The following SETD5 variants were observed in gnomAD, a reference collection of about 807,000 sequenced individuals.
The protein encoded by SETD5 is SET domain containing 5, also known as histone-lysine N-methyltransferase SETD5.
Under a neutral mutation model 153.3 loss-of-function variants are expected in SETD5, and 44 were observed. That is an observed-to-expected ratio of 0.29 (90% CI 0.23 to 0.37). SETD5 has a LOEUF of 0.37. Ranked by LOEUF, SETD5 falls within the 10% of genes least tolerant of loss-of-function variation. The pLI, the probability that SETD5 is intolerant of heterozygous loss-of-function variation, is 1.00. For missense variants in SETD5, 1,544 were observed against 1,768.0 expected, an observed-to-expected ratio of 0.87 and a Z score of 2.27; for synonymous variants, 716 against 645.2, an observed-to-expected ratio of 1.11 and a Z score of -1.66.
At chr3:9,408,489 T>C (rs1445293657) in intron 1 of SETD5, among the ~76,000 whole-genome samples, 2 of 152,252 alleles carry the variant, frequency 1.3e-5, no homozygotes, top group Non-Finnish European at 2.9e-5. Flanking sequence ...ATTGGTAAGT[T>C]TGAGTCTTTA....
At chr3:9,402,148 G>A (rs1232065246) in intron 1 of SETD5, among the ~76,000 whole-genome samples, 1 of 152,128 alleles carries the variant, frequency 6.6e-6, no homozygotes, top group Non-Finnish European at 1.5e-5. Flanking sequence ...TAAGTCTTAG[G>A]AAAACTGTTT....
chr3:9,472,929 A>G (rs1168171104), intron 19 of SETD5, among the ~76,000 whole-genome samples: 3 of 152,136 alleles, frequency 2.0e-5, no homozygotes, highest in African/African-American at 7.2e-5. Flanking sequence ...TGTAATGGTA[A>G]CCTCACAAGT....
intron 1 of SETD5, among the ~76,000 whole-genome samples, chr3:9,412,387 GT>G (rs370566998): frequency 0.1 from 9,338 of 89,710 alleles, 1,222 homozygotes; most frequent in African/African-American, 0.34. Flanking sequence ...ACAGTTTTGG[GT>G]TTTTTTTTTT....
At chr3:9,460,289 G>A (rs2043801061) in intron 17 of SETD5, among the ~76,000 whole-genome samples, 1 of 151,804 alleles carries the variant, frequency 6.6e-6, no homozygotes, top group South Asian at 2.1e-4. Context: ...AAGAACTCTG[G>A]AGAGTAAACT....
chr3:9,436,091 A>G (rs1041622953), intron 7 of SETD5, among the ~76,000 whole-genome samples, 185 bp downstream of exon 7: 2 of 152,130 alleles, frequency 1.3e-5, no homozygotes, highest in African/African-American at 2.4e-5. Context: ...CTGCCACACC[A>G]TATCATCACC....
chr3:9,412,624 T>G (rs2036779951), intron 1 of SETD5, among the ~76,000 whole-genome samples: 1 of 151,846 alleles, frequency 6.6e-6, no homozygotes, highest in Non-Finnish European at 1.5e-5. Context: ...CCCAGGCTGG[T>G]CTTGATTGAA....
intron 7 of SETD5, among the ~76,000 whole-genome samples, chr3:9,439,910 T>G (rs1402615113): frequency 6.6e-6 from 1 of 151,696 alleles, no homozygotes. Flanking sequence ...ATTAATGAGA[T>G]TGATTGATTA....
At chr3:9,402,486 G>A (rs1048451222) in intron 1 of SETD5, among the ~76,000 whole-genome samples, 9 of 152,242 alleles carry the variant, frequency 5.9e-5, no homozygotes, top group Admixed American at 1.3e-4. Context: ...TGAAGACAGG[G>A]AAAGGAATTT....
chr3:9,443,695 T>C (rs1421125833), intron 11 of SETD5, among the ~76,000 whole-genome samples: 2 of 152,232 alleles, frequency 1.3e-5, no homozygotes, highest in African/African-American at 2.4e-5. Flanking sequence ...TATATATGTA[T>C]GTATGAGACA....
chr3:9,398,886 C>T (rs2034247840), intron 1 of SETD5, among the ~76,000 whole-genome samples: 1 of 152,196 alleles, frequency 6.6e-6, no homozygotes, highest in African/African-American at 2.4e-5. Flanking sequence ...AGTGGTCTTT[C>T]TCTTGGATAT....
chr3:9,433,979 CAG>C (rs750191067), intron 4 of SETD5, 29 bp downstream of exon 4: 9 of 1,611,184 alleles, frequency 5.6e-6, no homozygotes, highest in Non-Finnish European at 7.6e-6. Flanking sequence ...CTCTCCAGAA[CAG>C]TGATCTTCCT....
At chr3:9,440,042 G>A (rs1198840044) in intron 7 of SETD5, among the ~76,000 whole-genome samples, 2 of 152,198 alleles carry the variant, frequency 1.3e-5, no homozygotes, top group Non-Finnish European at 2.9e-5. Context: ...CAGATATTCA[G>A]TGAGTATGAA....
intron 1 of SETD5, among the ~76,000 whole-genome samples, chr3:9,414,117 C>T (rs1290497106): frequency 1.3e-5 from 2 of 152,134 alleles, no homozygotes; most frequent in Non-Finnish European, 2.9e-5. Context: ...CTGCAGTTTT[C>T]TGAGGAATGA....
Position 9,464,635 on chromosome 3 carries a change from C to T in SETD5, c.2687C>T (p.Thr896Ile), listed in dbSNP as rs770931503. The T allele has an allele frequency of 1.8e-5, 29 of 1,613,928 alleles. No individual in the cohort carries two copies. Among genetic ancestry groups the T allele is most frequent in the African/African-American group, 1.1e-4 (8 of 74,946 alleles). Residue 896 changes from threonine to isoleucine, a missense_variant, in exon 18 of 23, where the codon ACT (threonine) becomes ATT (isoleucine). Transcript: ENST00000402198. ...SLMFSPVTSL[T>I]TASRCNTPLQ... ...ATGTTTTCACCAGTCACATCTCTTA[C>T]TACTGCTAGTCGCTGCAACACTCCT...
intron 16 of SETD5, among the ~76,000 whole-genome samples, chr3:9,451,810 G>A (rs772454661): frequency 9.9e-5 from 15 of 152,102 alleles, no homozygotes; most frequent in African/African-American, 9.7e-5. Flanking sequence ...TTGCTCTTTC[G>A]CCATAATAGC....
At position 9,445,192 on chromosome 3, in the gene SETD5, A is replaced by G. The variant is rs1334717617; in HGVS notation, c.1332A>G (p.Ala444=). 2 of 1,613,980 alleles carry G rather than the reference A, an allele frequency of 1.2e-6. No individual in the cohort carries two copies. Among genetic ancestry groups the G allele is most frequent in the Non-Finnish European group, 1.7e-6 (2 of 1,179,858 alleles). ...GAGCAGAGACTAGACGTAGAAAAGC[A>G]CGACGGAAAGAGCTAGAGATGGAGC... ...TIGAETRRRK[A]RRKELEMEQQ... is the part of the protein sequence containing the mutation. The change falls in exon 12 of 23, where the codon GCA becomes GCG. Residue 444 remains alanine, a synonymous_variant. Transcript: ENST00000402198.
rs374396895 is a variant in SETD5, at chr3:9,434,336, G to A, written c.180G>A (p.Thr60=). ...CTCCTGCTTCTCCCCCTGTCCAGAC[G>A]ATCATCCCTCGTTCTGACCTGAATG... ...RHGCRGLPYA[T]IIPRSDLNGL... is the part of the protein sequence containing the mutation. Residue 60 remains threonine (T), a splice_region_variant and synonymous_variant, in exon 5 of 23, where the codon ACG becomes ACA. Coordinates refer to ENST00000402198, the MANE Select transcript of SETD5 (RefSeq NM_001080517.3). The surrounding 1 kb of genome is among the most constrained non-coding windows in gnomAD (Gnocchi z 5.6). 17 of 1,613,576 alleles carry A rather than the reference G, an allele frequency of 1.1e-5. No homozygotes were observed. Among genetic ancestry groups the A allele is most frequent in the African/African-American group, 1.3e-5 (1 of 74,864 alleles).
chr3:9,467,199 CAAAAAAAAAAAAA>C (rs35894304), intron 18 of SETD5, among the ~76,000 whole-genome samples: 6 of 40,860 alleles, frequency 1.5e-4, no homozygotes, highest in East Asian at 6.8e-4. Flanking sequence ...GACTCTCTCT[CAAAAAAAAAAAAA>C]AAAAAAAAAA....
Position 9,467,274 on chromosome 3 carries a change from G to T in SETD5, c.2724+2602G>T, listed in dbSNP as rs771746132. ...AAGGATATTTTTGAGAAGGAAAAAA[G>T]CATTCAGGAAAATGGTGAGAAGTCT... On this transcript the variant is annotated intron_variant, in intron 18 of 22. Transcript: ENST00000402198. Among the ~76,000 whole-genome samples, 4 of 146,474 alleles carry T rather than the reference G, an allele frequency of 2.7e-5. No homozygotes were observed. In the East Asian group the frequency reaches 8.1e-4, roughly 30 times the overall value.
Sources: gnomAD v4.1 joint callset for allele counts (sites outside exome capture counted in the v4.1 genomes callset) on GRCh38, gnomAD v4.1.1 for gene constraint, Gnocchi (gnomAD v3.1) non-coding constraint, MANE v1.5 for transcripts, NCBI Gene and HGNC (gene_info 2026-07-23, HGNC 2026-07-21) for gene names.